Variants in RTN1 observed in about 807,000 individuals in gnomAD.
RTN1 encodes reticulon 1, also known as reticulon-1.
Under a neutral mutation model 65.5 loss-of-function variants are expected in RTN1, and 25 were observed. The ratio of observed to expected loss-of-function variants is 0.38; its 90% CI spans 0.28 to 0.53. The LOEUF is 0.53. Ranked by LOEUF, RTN1 falls within the 20% of genes least tolerant of loss-of-function variation. The pLI, the probability that RTN1 is intolerant of heterozygous loss-of-function variation, is 0.79. For synonymous variants in RTN1, 471 were observed against 447.6 expected (o/e 1.05, Z -0.66); for missense variants, 983 against 1,025.4 (o/e 0.96, Z 0.57).
At chr14:59,802,113 A>C (rs1284903539) in intron 1 of RTN1, among the ~76,000 whole-genome samples, 1 of 152,220 alleles carries the variant, frequency 6.6e-6, no homozygotes, top group East Asian at 1.9e-4. Flanking sequence ...ACTAATGTTA[A>C]CTAAAACCTG....
At chr14:59,820,807 A>T (rs186272057) in intron 1 of RTN1, among the ~76,000 whole-genome samples, 37 of 152,312 alleles carry the variant, frequency 2.4e-4, no homozygotes, top group Admixed American at 2.4e-3. Flanking sequence ...ACTTTGTCAA[A>T]GATCGGATGG....
chr14:59,869,588 G>C (rs893769693), intron 1 of RTN1, among the ~76,000 whole-genome samples: 21 of 131,030 alleles, frequency 1.6e-4, no homozygotes, highest in Admixed American at 1.5e-4. Flanking sequence ...GTGGGGGGGG[G>C]GGGGCGCTTA....
At chr14:59,818,011 A>G (rs1886853759) in intron 1 of RTN1, among the ~76,000 whole-genome samples, 2 of 151,846 alleles carry the variant, frequency 1.3e-5, no homozygotes, top group Admixed American at 1.3e-4. Context: ...TAGTTTTTCA[A>G]CCCTTACCCT....
At chr14:59,834,711 T>C (rs138845563) in intron 1 of RTN1, among the ~76,000 whole-genome samples, 2 of 152,218 alleles carry the variant, frequency 1.3e-5, no homozygotes, top group African/African-American at 4.8e-5. Context: ...GCAAAGAAGA[T>C]ATACAGCATT....
At chr14:59,722,508 G>C (rs989414084) in intron 3 of RTN1, among the ~76,000 whole-genome samples, 7 of 152,024 alleles carry the variant, frequency 4.6e-5, no homozygotes, top group Non-Finnish European at 1.0e-4. Flanking sequence ...GAGAGTAAGA[G>C]GAGAACCAAG....
At chr14:59,783,478 G>A (rs764244035) in intron 1 of RTN1, among the ~76,000 whole-genome samples, 11 of 152,170 alleles carry the variant, frequency 7.2e-5, no homozygotes, top group Non-Finnish European at 1.5e-4. Flanking sequence ...AAACGTGGGA[G>A]ACAGAAAGAG....
intron 3 of RTN1, among the ~76,000 whole-genome samples, chr14:59,659,294 G>C (rs1883191576): frequency 6.6e-6 from 1 of 152,078 alleles, no homozygotes; most frequent in Non-Finnish European, 1.5e-5. Context: ...AGGGAGAATG[G>C]AACCAAGTTG....
chr14:59,748,805 C>T (rs922473720), intron 1 of RTN1, among the ~76,000 whole-genome samples: 1 of 151,546 alleles, frequency 6.6e-6, no homozygotes, highest in Admixed American at 6.6e-5. Flanking sequence ...TTTGTGGGGG[C>T]GGAGGACAGA....
rs1881388045 is a variant in RTN1 at position 59,596,156 on chromosome 14, C to T, written c.*589G>A. 6.6e-6 allele frequency: 1 copy of T among 152,478 alleles called. No homozygotes were observed. Among genetic ancestry groups the T allele is most frequent in the Non-Finnish European group, 1.5e-5 (1 of 68,040 alleles). 9.4% of individuals were successfully genotyped at this position (152,478 alleles called of 1,614,324 possible). ...TGTAAATCAGCCCACCAATCCCATA[C>T]AACAAAAGTACTGCATGTTTGTTTT... On this transcript the variant is annotated 3_prime_UTR_variant, in exon 9 of 9. Transcript: ENST00000267484.
intron 1 of RTN1, among the ~76,000 whole-genome samples, chr14:59,776,360 T>G (rs533779588): frequency 8.5e-5 from 13 of 152,248 alleles, no homozygotes; most frequent in African/African-American, 3.1e-4. Flanking sequence ...TAAGAGCAAC[T>G]TTGGCCCTAT....
chr14:59,714,011 A>C (rs969872561), intron 3 of RTN1, among the ~76,000 whole-genome samples: 2 of 152,280 alleles, frequency 1.3e-5, no homozygotes, highest in Non-Finnish European at 2.9e-5. Flanking sequence ...CGAGGCAGGC[A>C]GATCACGAGG....
intron 1 of RTN1, among the ~76,000 whole-genome samples, chr14:59,817,373 G>C (rs990191092): frequency 1.3e-5 from 2 of 152,150 alleles, no homozygotes; most frequent in Admixed American, 6.5e-5. Flanking sequence ...CACTAAACAA[G>C]ACCAACCTGG....
intron 3 of RTN1, among the ~76,000 whole-genome samples, chr14:59,666,962 CAAAAAAAA>C (rs146213616): frequency 5.0e-5 from 3 of 60,106 alleles, no homozygotes; most frequent in African/African-American, 6.7e-5. Flanking sequence ...GCCGACCAAC[CAAAAAAAA>C]AAAAAAAAAA....
At chr14:59,642,118 G>A (rs1235816960) in intron 3 of RTN1, among the ~76,000 whole-genome samples, 1 of 152,064 alleles carries the variant, frequency 6.6e-6, no homozygotes, top group Non-Finnish European at 1.5e-5. Flanking sequence ...TTGGGCAGAG[G>A]TTTAATTTGG....
intron 3 of RTN1, among the ~76,000 whole-genome samples, chr14:59,699,375 GA>G (rs1282196962): frequency 1.1e-4 from 17 of 152,060 alleles, no homozygotes; most frequent in Non-Finnish European, 1.3e-4. Context: ...ACTAGGAAAT[GA>G]AATCACTTAT....
intron 3 of RTN1, among the ~76,000 whole-genome samples, chr14:59,657,004 T>C (rs906903479): frequency 2.6e-5 from 4 of 152,012 alleles, no homozygotes; most frequent in Non-Finnish European, 5.9e-5. Context: ...CAAGCACATA[T>C]GAAACATTTC....
intron 1 of RTN1, among the ~76,000 whole-genome samples, chr14:59,756,396 G>C (rs575490935): frequency 4.9e-4 from 74 of 152,270 alleles, no homozygotes; most frequent in African/African-American, 1.6e-3. Flanking sequence ...TAGGTTTAGT[G>C]ATATGTAATT....
chr14:59,731,496 T>C (rs1884896335), intron 2 of RTN1, among the ~76,000 whole-genome samples: 1 of 152,156 alleles, frequency 6.6e-6, no homozygotes, highest in African/African-American at 2.4e-5. Flanking sequence ...ATGGATTATA[T>C]CTCAATAAAG....
chr14:59,632,707 T>C (rs182531166), intron 3 of RTN1, among the ~76,000 whole-genome samples: 2 of 152,332 alleles, frequency 1.3e-5, no homozygotes, highest in East Asian at 1.9e-4. Flanking sequence ...GAATACACAA[T>C]GTTCCCAATA....
Sources: gnomAD v4.1 joint callset for allele counts (sites outside exome capture counted in the v4.1 genomes callset) on GRCh38, gnomAD v4.1.1 for gene constraint, MANE v1.5 for transcripts, NCBI Gene and HGNC (gene_info 2026-07-23, HGNC 2026-07-21) for gene names.